The following PTPN23 variants were observed in gnomAD, a reference collection of about 807,000 sequenced individuals.
PTPN23 encodes tyrosine-protein phosphatase non-receptor type 23.
In PTPN23, 72 loss-of-function variants were observed where a neutral mutation model predicts 156.3. The observed-to-expected ratio is 0.46, with a 90% CI of 0.38 to 0.56. The LOEUF is 0.56. Among genes scored for constraint, PTPN23 ranks in the 20% least tolerant of loss-of-function variants. The pLI is 0.00. For synonymous variants in PTPN23, 957 were observed against 899.6 expected, an observed-to-expected ratio of 1.06 and a Z score of -1.14; for missense variants, 1,974 against 2,171.5, an observed-to-expected ratio of 0.91 and a Z score of 1.81.
Position 47,411,448 on chromosome 3 carries a change from ACTCAC to A in PTPN23, c.3651_3655del (p.Ser1218GlufsTer11). On this transcript the variant is annotated frameshift_variant, in exon 20 of 25. Transcript: ENST00000265562. LOFTEE classifies it high-confidence loss of function. This position sits in a 1 kb window ranked among gnomAD's most constrained non-coding sequence, Gnocchi z 6.3. Reference sequence around the variant, plus strand: ...CGTTCCATCGCCATTGCCCGCTGCTACTCACTGAAGAACCGGCACCAGGATGTCAT... The same window carrying A: ...CGTTCCATCGCCATTGCCCGCTGCTATGAAGAACCGGCACCAGGATGTCAT... The A allele has an allele frequency of 6.2e-7, 1 of 1,613,106 alleles. No individual in the cohort carries two copies. Among genetic ancestry groups the A allele is most frequent in the Non-Finnish European group, 8.5e-7 (1 of 1,180,006 alleles).
At position 47,407,141 on chromosome 3, in the gene PTPN23, C is replaced by A. The variant is rs1705146343; in HGVS notation, c.819C>A (p.Phe273Leu). 6.2e-7 allele frequency: 1 copy of A among 1,613,888 alleles called. No homozygotes were observed. Among genetic ancestry groups the A allele is most frequent in the African/African-American group, 1.3e-5 (1 of 74,888 alleles). ...GCCACCCTCCACAGGTTGCATACTT[C>A]CAGAGCGCCCTGGACAAGCTCAATG... ...QQKFGERVAY[F>L]QSALDKLNEA... Residue 273 changes from phenylalanine to leucine, a missense_variant, in exon 10 of 25, where the codon TTC becomes TTA. This residue lies in a region of PTPN23 where 726 missense variants were observed against 929.5 expected (regional missense o/e 0.78). Transcript: ENST00000265562. The surrounding 1 kb of genome is among the most constrained non-coding windows in gnomAD (Gnocchi z 4.0).
chr3:47,413,180 ACCTGAACAGGTTTTGCCTACCTGGT>A lies in PTPN23; in HGVS notation c.4910_*23del. 1 of 1,608,408 alleles carries A rather than the reference ACCTGAACAGGTTTTGCCTACCTGGT, an allele frequency of 6.2e-7. No individual in the cohort carries two copies. Among genetic ancestry groups the A allele is most frequent in the Non-Finnish European group, 8.5e-7 (1 of 1,177,226 alleles). The stretch of plus-strand genomic sequence containing the variant: ...GGATCCACTCTGGACACTCAACAAG[ACCTGAACAGGTTTTGCCTACCTGGT>A]CCTTACACTACATCATCATCATCTC... On this transcript the variant is annotated stop_lost and 3_prime_UTR_variant, in exon 25 of 25. Transcript: ENST00000265562.
intron 1 of PTPN23, among the ~76,000 whole-genome samples, chr3:47,383,019 C>G (rs1470219213): frequency 6.6e-6 from 1 of 152,028 alleles, no homozygotes; most frequent in African/African-American, 2.4e-5. Context: ...CAGAATAGAT[C>G]CGGTATCTTT....
intron 2 of PTPN23, among the ~76,000 whole-genome samples, chr3:47,396,901 G>A (rs982087999): frequency 1.3e-5 from 2 of 152,206 alleles, no homozygotes; most frequent in African/African-American, 4.8e-5. Context: ...CTGTACTCCA[G>A]CCTGAGTGAC....
In PTPN23 at chr3:47,409,020, C is replaced by T. The variant is rs759995160; in HGVS notation, c.1575C>T (p.Asn525=). 2.3e-5 allele frequency: 37 copies of T among 1,613,952 alleles called. No homozygotes were observed. In the East Asian group the frequency reaches 5.6e-4, roughly 24 times the overall value. The change falls in exon 16 of 25, where the codon AAC becomes AAT. Residue 525 remains asparagine (N), a synonymous_variant. Coordinates refer to ENST00000265562, the MANE Select transcript of PTPN23 (RefSeq NM_015466.4). Reference sequence around the variant, plus strand: ...GTGCCATGAACCTGCACGTCGGCAACCTGCGCCTGCTCAGCGGGCCGCTTG... The same window carrying T: ...GTGCCATGAACCTGCACGTCGGCAATCTGCGCCTGCTCAGCGGGCCGCTTG... The part of the protein sequence containing the change: ...LHRAMNLHVG[N]LRLLSGPLDQ...
chr3:47,407,461 C>A lies in PTPN23; in HGVS notation c.924-44C>A. 1 of 1,608,462 alleles carries A rather than the reference C, an allele frequency of 6.2e-7. No homozygotes were observed. The highest frequency in any genetic ancestry group is 8.5e-7 in the Non-Finnish European group (1 of 1,174,972). Reference sequence around the variant, plus strand: ...ATGGGAAGTAGGTTCTGGATCCCCACTGACACCCCGTGACTGCCCACTCCC... The same window carrying A: ...ATGGGAAGTAGGTTCTGGATCCCCAATGACACCCCGTGACTGCCCACTCCC... On this transcript the variant is annotated intron_variant, in intron 11 of 24. Transcript: ENST00000265562. The surrounding 1 kb of genome is among the most constrained non-coding windows in gnomAD (Gnocchi z 4.0).
At position 47,406,903 on chromosome 3, in the gene PTPN23, CT is replaced by C. The variant is rs2107716039; in HGVS notation, c.807+154del. ...CCTGGTGTCTTAAGTGTTGTCCCAT[CT>C]GTGCAGCCCTCGTCCCTCGGGGTCT... On this transcript the variant is annotated intron_variant, in intron 9 of 24. Transcript: ENST00000265562. The surrounding 1 kb of genome is among the most constrained non-coding windows in gnomAD (Gnocchi z 5.8). Among the ~76,000 whole-genome samples the C allele has an allele frequency of 6.6e-6, 1 of 152,260 alleles. No homozygotes were observed. Among genetic ancestry groups the C allele is most frequent in the East Asian group, 1.9e-4 (1 of 5,178 alleles).
Position 47,408,776 on chromosome 3 carries a change from T to A in PTPN23, c.1331T>A (p.Val444Glu), listed in dbSNP as rs1318556346. ...CTGCCTGTACAATCCACAACCCCAGTGCTGTCAGGTGTGTTCACGGATGTG... is the reference window on the plus strand; with the variant it reads ...CTGCCTGTACAATCCACAACCCCAGAGCTGTCAGGTGTGTTCACGGATGTG... The part of the protein sequence containing the change: ...TVRNLVQSMQ[V>E]LSGVFTDVEA... The change falls in exon 16 of 25, where the codon GTG becomes GAG. Residue 444 changes from valine to glutamate, a missense_variant and splice_region_variant. Val to Glu is a moderately radical substitution (Grantham distance 121). This residue lies in a region of PTPN23 where 726 missense variants were observed against 929.5 expected (regional missense o/e 0.78). Coordinates refer to ENST00000265562, the MANE Select transcript of PTPN23 (RefSeq NM_015466.4). 1.9e-6 allele frequency: 3 copies of A among 1,583,740 alleles called. No individual in the cohort carries two copies. The African/African-American group carries it at 4.0e-5, about 21-fold the overall frequency.
chr3:47,403,591 C>T (rs1440897286), intron 2 of PTPN23, among the ~76,000 whole-genome samples: 1 of 152,138 alleles, frequency 6.6e-6, no homozygotes, highest in Non-Finnish European at 1.5e-5. Flanking sequence ...AACAGTGGCA[C>T]AACCATAGCT....
At position 47,408,438 on chromosome 3, in the gene PTPN23, G is replaced by A. The variant is rs750552043; in HGVS notation, c.1278G>A (p.Ala426=). 4.5e-5 allele frequency: 72 copies of A among 1,614,000 alleles called. No homozygotes were observed. Among genetic ancestry groups the A allele is most frequent in the South Asian group, 1.4e-4 (13 of 91,076 alleles). Residue 426 remains alanine, a synonymous_variant, in exon 15 of 25, where the codon GCG becomes GCA. Coordinates refer to ENST00000265562, the MANE Select transcript of PTPN23 (RefSeq NM_015466.4). The part of the protein sequence containing the change: ...HIPPQLMEKC[A]ALSVRPDTVR... ...CACCCCAGCTCATGGAGAAGTGCGC[G>A]GCTCTCAGCGTCCGGCCCGACACTG...
chr3:47,412,062 T>C (rs975607442), intron 21 of PTPN23, 32 bp from the exon 22 acceptor site: 2 of 1,612,020 alleles, frequency 1.2e-6, no homozygotes, highest in African/African-American at 2.7e-5. Context: ...GCCTGGCTCA[T>C]AGGCTCTTCC....
intron 2 of PTPN23, among the ~76,000 whole-genome samples, chr3:47,399,751 C>A (rs1704954463): frequency 1.3e-5 from 2 of 152,234 alleles, no homozygotes; most frequent in Non-Finnish European, 2.9e-5. Context: ...CTGGGGTAGC[C>A]ACTTCCCCTT....
Position 47,405,866 on chromosome 3 carries a change from A to G in PTPN23, c.415-49A>G, listed in dbSNP as rs1210891143. ...AGGGGCAGCCTCCCAAGTATGGATG[A>G]ATCCTGACCCATGGAGTGGACACAG... On this transcript the variant is annotated intron_variant, in intron 5 of 24. Coordinates refer to ENST00000265562, the MANE Select transcript of PTPN23 (RefSeq NM_015466.4). The surrounding 1 kb of genome is among the most constrained non-coding windows in gnomAD (Gnocchi z 4.7). 1 of 1,601,904 alleles carries G rather than the reference A, an allele frequency of 6.2e-7. No homozygotes were observed. The highest frequency in any genetic ancestry group is 8.5e-7 in the Non-Finnish European group (1 of 1,172,948).
Position 47,405,473 on chromosome 3 carries a change from G to A in PTPN23, c.365-276G>A, listed in dbSNP as rs1398285164. On this transcript the variant is annotated intron_variant, in intron 4 of 24. Transcript: ENST00000265562. The surrounding 1 kb of genome is among the most constrained non-coding windows in gnomAD (Gnocchi z 4.7). ...CTGGCTCAAGGGAGAAGCTTGGGGA[G>A]CCCCAGAGTTCTGTGCAAACATCCC... The A allele has an allele frequency of 7.3e-6, 4 of 548,712 alleles. No homozygotes were observed. The Admixed American group carries it at 9.9e-5, about 14-fold the overall frequency. 34.0% of individuals were successfully genotyped at this position (548,712 alleles called of 1,614,324 possible).
chr3:47,409,922 G>A lies in PTPN23; in HGVS notation c.2130-6G>A, dbSNP rs766866276. On this transcript the variant is annotated splice_region_variant and splice_polypyrimidine_tract_variant and intron_variant, in intron 19 of 24. Coordinates refer to ENST00000265562, the MANE Select transcript of PTPN23 (RefSeq NM_015466.4). ...TGGCCCCACTTTTTCCTTGCCTGTCGCACAGGGAGCTGAAGAAGAAGCCGC... is the reference window on the plus strand; with the variant it reads ...TGGCCCCACTTTTTCCTTGCCTGTCACACAGGGAGCTGAAGAAGAAGCCGC... 22 of 1,568,890 alleles carry A rather than the reference G, an allele frequency of 1.4e-5. No individual in the cohort carries two copies. The highest frequency in any genetic ancestry group is 1.7e-4 in the Middle Eastern group (1 of 5,812).
intron 1 of PTPN23, among the ~76,000 whole-genome samples, chr3:47,382,975 C>T (rs1042773463): frequency 9.9e-5 from 15 of 152,154 alleles, no homozygotes; most frequent in Non-Finnish European, 2.1e-4. Flanking sequence ...GCATGAGCCA[C>T]CGCGCCTGGC....
chr3:47,399,791 A>G (rs1159708981), intron 2 of PTPN23, among the ~76,000 whole-genome samples: 1 of 152,098 alleles, frequency 6.6e-6, no homozygotes, highest in African/African-American at 2.4e-5. Flanking sequence ...TATCCCAGCA[A>G]TGTGGGAGTT....
chr3:47,389,987 T>G (rs189706406), intron 1 of PTPN23, among the ~76,000 whole-genome samples: 5,708 of 148,330 alleles, frequency 0.038, 374 homozygotes, highest in African/African-American at 0.13. Flanking sequence ...GCAGGAGAAT[T>G]GCTTGAACCC....
chr3:47,395,013 G>A (rs1459705718), intron 1 of PTPN23, among the ~76,000 whole-genome samples: 2 of 152,170 alleles, frequency 1.3e-5, no homozygotes, highest in African/African-American at 4.8e-5. Context: ...GTTTGGGAAA[G>A]GGTTGCTTGA....
Sources: allele counts gnomAD v4.1 joint callset (sites outside exome capture counted in the v4.1 genomes callset), GRCh38; gene constraint gnomAD v4.1.1; regional missense constraint gnomAD v4.1.1; non-coding constraint Gnocchi (gnomAD v3.1); transcripts MANE v1.5; gene names NCBI Gene and HGNC (gene_info 2026-07-23, HGNC 2026-07-21).